TNFSF13B: variants seen among roughly 807,000 people sequenced by gnomAD.
TNFSF13B encodes tumor necrosis factor ligand superfamily member 13B.
A neutral mutation model predicts 29.1 loss-of-function variants in TNFSF13B; 8 were observed. The observed-to-expected ratio is 0.27, with a 90% CI of 0.16 to 0.50. The LOEUF is 0.50. TNFSF13B is among the 20% of genes least tolerant of loss of function. TNFSF13B has a pLI of 0.98. For missense variants in TNFSF13B, 248 were observed against 334.9 expected, an observed-to-expected ratio of 0.74 and a Z score of 2.03; for synonymous variants, 125 against 130.8, an observed-to-expected ratio of 0.96 and a Z score of 0.30.
chr13:108,302,460 C>A (rs532154913), intron 3 of TNFSF13B, among the ~76,000 whole-genome samples: 1 of 152,246 alleles, frequency 6.6e-6, no homozygotes, highest in South Asian at 2.1e-4. Context: ...TATGAATTCA[C>A]AGGAAAGGAA....
intron 2 of TNFSF13B, among the ~76,000 whole-genome samples, chr13:108,279,390 A>G (rs1188028951): frequency 6.6e-6 from 1 of 152,196 alleles, no homozygotes; most frequent in Non-Finnish European, 1.5e-5. Context: ...TTGTAGAAAA[A>G]GTTTGTATTT....
At chr13:108,273,135 T>C (rs1182128408) in intron 2 of TNFSF13B, among the ~76,000 whole-genome samples, 2 of 152,182 alleles carry the variant, frequency 1.3e-5, no homozygotes, top group African/African-American at 2.4e-5. Context: ...CCCTAGACTT[T>C]TTAATAAACC....
intron 3 of TNFSF13B, among the ~76,000 whole-genome samples, chr13:108,288,175 G>A (rs1881198305): frequency 6.6e-6 from 1 of 152,102 alleles, no homozygotes; most frequent in Non-Finnish European, 1.5e-5. Flanking sequence ...AATAGCATTT[G>A]TTTATATAAG....
At chr13:108,284,004 A>C (rs1359872228) in intron 2 of TNFSF13B, among the ~76,000 whole-genome samples, 1 of 152,160 alleles carries the variant, frequency 6.6e-6, no homozygotes, top group Non-Finnish European at 1.5e-5. Context: ...CTCCTACTGA[A>C]GTTTTTGGGA....
chr13:108,286,324 T>C (rs1370153943), intron 2 of TNFSF13B, among the ~76,000 whole-genome samples: 3 of 152,164 alleles, frequency 2.0e-5, no homozygotes, highest in African/African-American at 7.2e-5. Context: ...GTACACTGTC[T>C]GCACTTAAAT....
At chr13:108,285,065 T>A (rs1171220754) in intron 2 of TNFSF13B, among the ~76,000 whole-genome samples, 1 of 152,192 alleles carries the variant, frequency 6.6e-6, no homozygotes, top group Non-Finnish European at 1.5e-5. Context: ...CTTTCTTGTA[T>A]AAGATTAATA....
intron 5 of TNFSF13B, among the ~76,000 whole-genome samples, chr13:108,304,715 A>G (rs9520836): frequency 0.2 from 30,700 of 152,120 alleles, 4,132 homozygotes; most frequent in East Asian, 0.57. Flanking sequence ...ATTTTGAAAA[A>G]CTGTATTTCA....
chr13:108,300,703 G>A (rs1881598318), intron 3 of TNFSF13B, among the ~76,000 whole-genome samples: 1 of 152,174 alleles, frequency 6.6e-6, no homozygotes, highest in Middle Eastern at 3.2e-3. Flanking sequence ...ATACAAGAGG[G>A]CTTTTCTTTT....
Position 108,303,256 on chromosome 13 carries a change from C to T in TNFSF13B, c.485C>T (p.Ser162Phe). The change falls in exon 4 of 6, where the codon TCT (serine) becomes TTT (phenylalanine). Residue 162 changes from serine (S) to phenylalanine (F), a missense_variant. Physicochemically the swap from Ser to Phe is radical, Grantham distance 155. This residue lies in a region of TNFSF13B where 186 missense variants were observed against 196.3 expected (regional missense o/e 0.95). Coordinates refer to ENST00000375887, the MANE Select transcript of TNFSF13B (RefSeq NM_006573.5). The part of the protein sequence containing the change: ...DSETPTIQKG[S>F]YTFVPWLLSF... The stretch of plus-strand genomic sequence containing the variant: ...TAAATGATTCTCTTCATTGCAGGAT[C>T]TTACACATTTGTTCCATGGCTTCTC... 1 of 1,607,220 alleles carries T rather than the reference C, an allele frequency of 6.2e-7. No homozygotes were observed. The highest frequency in any genetic ancestry group is 8.5e-7 in the Non-Finnish European group (1 of 1,175,960).
At chr13:108,300,355 C>T (rs1881582602) in intron 3 of TNFSF13B, among the ~76,000 whole-genome samples, 1 of 152,136 alleles carries the variant, frequency 6.6e-6, no homozygotes, top group Non-Finnish European at 1.5e-5. Flanking sequence ...GGGAACCAAA[C>T]ATAAATGGCC....
At chr13:108,300,417 T>G (rs1035992711) in intron 3 of TNFSF13B, among the ~76,000 whole-genome samples, 2 of 152,094 alleles carry the variant, frequency 1.3e-5, no homozygotes, top group Non-Finnish European at 2.9e-5. Context: ...TTTTAAAAGC[T>G]CTCTTCCCTC....
At chr13:108,301,566 A>G (rs1304896553) in intron 3 of TNFSF13B, among the ~76,000 whole-genome samples, 2 of 152,336 alleles carry the variant, frequency 1.3e-5, no homozygotes, top group East Asian at 1.9e-4. Context: ...ACATGATCTG[A>G]CATATATGTG....
chr13:108,274,925 T>C (rs1880723942), intron 2 of TNFSF13B, among the ~76,000 whole-genome samples: 1 of 152,194 alleles, frequency 6.6e-6, no homozygotes, highest in Non-Finnish European at 1.5e-5. Context: ...CTTCCAGGCA[T>C]CCCATGGGTA....
chr13:108,295,688 A>G (rs1438575715), intron 3 of TNFSF13B, among the ~76,000 whole-genome samples: 3 of 145,184 alleles, frequency 2.1e-5, no homozygotes, highest in African/African-American at 7.8e-5. Flanking sequence ...TTTCTTTCTG[A>G]GTGCTACTTT....
chr13:108,299,007 C>T (rs1472494213), intron 3 of TNFSF13B, among the ~76,000 whole-genome samples: 2 of 143,416 alleles, frequency 1.4e-5, no homozygotes, highest in African/African-American at 5.2e-5. Context: ...AACAAACAAA[C>T]AAAACATTGC....
intron 3 of TNFSF13B, among the ~76,000 whole-genome samples, chr13:108,297,744 T>A (rs1381494392): frequency 6.9e-6 from 1 of 145,662 alleles, no homozygotes; most frequent in Non-Finnish European, 1.5e-5. Context: ...CGGATGCATA[T>A]CCTCCCCCAT....
intron 2 of TNFSF13B, among the ~76,000 whole-genome samples, chr13:108,284,363 T>TAAAC (rs59679258): frequency 0.027 from 2,454 of 89,696 alleles, 29 homozygotes; most frequent in Middle Eastern, 0.06. Flanking sequence ...AATGAATAAA[T>TAAAC]AAACAAACAA....
At chr13:108,287,830 C>G (rs1223049016) in intron 3 of TNFSF13B, among the ~76,000 whole-genome samples, 1 of 152,084 alleles carries the variant, frequency 6.6e-6, no homozygotes, top group South Asian at 2.1e-4. Context: ...TAATTTTAGA[C>G]AAGTTAAGTG....
intron 2 of TNFSF13B, among the ~76,000 whole-genome samples, chr13:108,271,819 ATTAAT>A: frequency 6.6e-6 from 1 of 152,224 alleles, no homozygotes; most frequent in South Asian, 2.1e-4. Context: ...ATATATCTGT[ATTAAT>A]TTATCTAACA....
Sources: allele counts gnomAD v4.1 joint callset (sites outside exome capture counted in the v4.1 genomes callset), GRCh38; gene constraint gnomAD v4.1.1; regional missense constraint gnomAD v4.1.1; transcripts MANE v1.5; gene names NCBI Gene and HGNC (gene_info 2026-07-23, HGNC 2026-07-21).